Variants in CDHR3 observed in about 807,000 individuals in gnomAD.
The protein encoded by CDHR3 is cadherin-related family member 3.
In CDHR3, 79 loss-of-function variants were observed where a neutral mutation model predicts 86.6. The observed-to-expected ratio is 0.91, with a 90% CI of 0.76 to 1.10. CDHR3 has a LOEUF of 1.10. Ranked by LOEUF, CDHR3 falls within the 50% of genes least tolerant of loss-of-function variation. The pLI, the probability that CDHR3 is intolerant of heterozygous loss-of-function variation, is 0.00. For synonymous variants in CDHR3, 421 were observed against 402.4 expected, an observed-to-expected ratio of 1.05 and a Z score of -0.55; for missense variants, 1,081 against 1,077.6, an observed-to-expected ratio of 1.00 and a Z score of -0.04.
chr7:105,998,193 C>T (rs1444294289), intron 6 of CDHR3, among the ~76,000 whole-genome samples: 1 of 152,192 alleles, frequency 6.6e-6, no homozygotes, highest in Non-Finnish European at 1.5e-5. Context: ...CCTCCTTTTC[C>T]TGTAAATCAG....
At chr7:106,004,900 C>T (rs749018360) in intron 8 of CDHR3, 24 of 582,122 alleles carry the variant, frequency 4.1e-5, no homozygotes, top group South Asian at 1.1e-4. Context: ...TCATTATCTC[C>T]CTTGTTCACT....
intron 1 of CDHR3, among the ~76,000 whole-genome samples, chr7:105,972,349 T>C (rs899428903): frequency 1.3e-5 from 2 of 152,180 alleles, no homozygotes; most frequent in African/African-American, 2.4e-5. Flanking sequence ...TAGGCTATTA[T>C]TGAGAAAAAC....
chr7:106,032,417 A>G lies in CDHR3; in HGVS notation c.2378A>G (p.Asn793Ser). The change falls in exon 19 of 19, where the codon AAC becomes AGC. Residue 793 changes from asparagine to serine, a missense_variant. By Grantham distance (46) the Asn-to-Ser change is conservative (BLOSUM62 1). Coordinates refer to ENST00000317716, the MANE Select transcript of CDHR3 (RefSeq NM_152750.5). Reference protein sequence around the residue: ...DPVTGETYEFNSKTGARKWKD... With the variant: ...DPVTGETYEFSSKTGARKWKD... ...GTGACCGGGGAAACATATGAATTCA[A>G]CTCAAAAACTGGAGCCAGAAAGTGG... The G allele has an allele frequency of 1.2e-6, 2 of 1,611,072 alleles. No homozygotes were observed. Among genetic ancestry groups the G allele is most frequent in the Non-Finnish European group, 1.7e-6 (2 of 1,177,864 alleles).
At chr7:105,986,135 CT>C in intron 4 of CDHR3, among the ~76,000 whole-genome samples, 1 of 152,248 alleles carries the variant, frequency 6.6e-6, no homozygotes, top group African/African-American at 2.4e-5. Flanking sequence ...CAATCTGTCC[CT>C]TTTTTTATCA....
chr7:106,010,673 G>A (rs953699165), intron 8 of CDHR3, among the ~76,000 whole-genome samples: 3 of 152,234 alleles, frequency 2.0e-5, no homozygotes, highest in Non-Finnish European at 1.5e-5. Context: ...GAACAAAGAA[G>A]GGAACAGAGT....
chr7:105,981,033 T>A lies in CDHR3; in HGVS notation c.315T>A (p.Ile105=). 1 of 1,612,488 alleles carries A rather than the reference T, an allele frequency of 6.2e-7. No individual in the cohort carries two copies. The highest frequency in any genetic ancestry group is 1.1e-5 in the South Asian group (1 of 90,590). The change falls in exon 3 of 19, where the codon ATT becomes ATA. Residue 105 remains isoleucine (I), a synonymous_variant. Coordinates refer to ENST00000317716, the MANE Select transcript of CDHR3 (RefSeq NM_152750.5). ...ETGPNIFDLQ[I]YVKDEVGVTD... ...GACCAAACATATTTGATTTGCAGAT[T>A]TATGTGAAGGATGAGGTTGGTGTCA...
At chr7:105,996,476 G>T (rs1393580127) in intron 6 of CDHR3, 122 bp downstream of exon 6, 1 of 554,366 alleles carries the variant, frequency 1.8e-6, no homozygotes, top group African/African-American at 1.9e-5. Flanking sequence ...CTGCAGGAAA[G>T]ATTAGAGGCA....
chr7:106,000,743 G>A (rs1833015927), intron 6 of CDHR3, among the ~76,000 whole-genome samples: 1 of 152,118 alleles, frequency 6.6e-6, no homozygotes, highest in Admixed American at 6.5e-5. Context: ...TGAGGAAGAT[G>A]GGTAAGTTGG....
At chr7:106,016,452 C>T (rs1424767731) in intron 11 of CDHR3, among the ~76,000 whole-genome samples, 3 of 152,088 alleles carry the variant, frequency 2.0e-5, no homozygotes, top group Admixed American at 6.6e-5. Context: ...TTCTCTCTCC[C>T]CTACTAAGAT....
At chr7:105,994,892 C>A in intron 5 of CDHR3, 47 bp downstream of exon 5, 3 of 1,458,858 alleles carry the variant, frequency 2.1e-6, no homozygotes, top group Non-Finnish European at 2.8e-6. Context: ...ATCTGAGGGT[C>A]AAGGAAAACA....
At chr7:105,964,343 A>G (rs1826531626) in intron 1 of CDHR3, among the ~76,000 whole-genome samples, 1 of 152,116 alleles carries the variant, frequency 6.6e-6, no homozygotes, top group South Asian at 2.1e-4. Flanking sequence ...GAAATCTGTT[A>G]ACAAATTATC....
intron 1 of CDHR3, among the ~76,000 whole-genome samples, chr7:105,965,799 T>G (rs913794525): frequency 1.3e-5 from 2 of 152,244 alleles, no homozygotes; most frequent in African/African-American, 2.4e-5. Flanking sequence ...AATAACAGAT[T>G]TCATATATCT....
rs771063974 is a variant in CDHR3, at chr7:106,022,191, C to T, written c.1826-7C>T. ...TTACCAACACCCCTGCATCAAATCT[C>T]ATTTAGGTAACGTCAACAATCATTT... On this transcript the variant is annotated splice_region_variant and splice_polypyrimidine_tract_variant and intron_variant, in intron 13 of 18. Coordinates refer to ENST00000317716, the MANE Select transcript of CDHR3 (RefSeq NM_152750.5). 1 of 1,613,900 alleles carries T rather than the reference C, an allele frequency of 6.2e-7. No individual in the cohort carries two copies. Among genetic ancestry groups the T allele is most frequent in the Non-Finnish European group, 8.5e-7 (1 of 1,179,814 alleles).
At chr7:105,982,847 G>A (rs1409169809) in intron 3 of CDHR3, among the ~76,000 whole-genome samples, 1 of 152,032 alleles carries the variant, frequency 6.6e-6, no homozygotes, top group Admixed American at 6.6e-5. Flanking sequence ...GCCAGATGTG[G>A]TGGCAGGTAC....
chr7:105,963,480 G>A (rs1826355569), intron 1 of CDHR3, 116 bp downstream of exon 1: 12 of 1,077,358 alleles, frequency 1.1e-5, no homozygotes, highest in East Asian at 2.4e-5. Context: ...TCAATTGAGG[G>A]CTTAGCTGCA....
chr7:105,980,007 T>C (rs578145931), intron 2 of CDHR3, among the ~76,000 whole-genome samples: 11 of 152,276 alleles, frequency 7.2e-5, no homozygotes, highest in Admixed American at 2.6e-4. Flanking sequence ...TGGTGATGTC[T>C]CTCTGGCCCT....
intron 8 of CDHR3, 139 bp downstream of exon 8, chr7:106,004,826 C>T: frequency 1.3e-6 from 1 of 758,310 alleles, no homozygotes; most frequent in Non-Finnish European, 2.1e-6. Flanking sequence ...GTGAACTGTT[C>T]ACTGTTGTCC....
At chr7:106,011,335 G>A (rs773303373) in intron 8 of CDHR3, among the ~76,000 whole-genome samples, 1 of 152,072 alleles carries the variant, frequency 6.6e-6, no homozygotes, top group African/African-American at 2.4e-5. Flanking sequence ...ATGGCACAAC[G>A]GAGGCTTGAA....
At chr7:106,017,448 A>G (rs1835810840) in intron 11 of CDHR3, among the ~76,000 whole-genome samples, 1 of 151,946 alleles carries the variant, frequency 6.6e-6, no homozygotes, top group Admixed American at 6.6e-5. Context: ...AATCCCAGCT[A>G]CTTGGGAGGC....
Sources: gnomAD v4.1 joint callset for allele counts (sites outside exome capture counted in the v4.1 genomes callset) on GRCh38, gnomAD v4.1.1 for gene constraint, MANE v1.5 for transcripts, NCBI Gene and HGNC (gene_info 2026-07-23, HGNC 2026-07-21) for gene names.